The following ARHGAP35 variants were observed in gnomAD, a reference collection of about 807,000 sequenced individuals.
ARHGAP35 encodes Rho GTPase activating protein 35.
A neutral mutation model predicts 111.1 loss-of-function variants in ARHGAP35; 15 were observed. The ratio of observed to expected loss-of-function variants is 0.13; its 90% CI spans 0.09 to 0.21. ARHGAP35 has a LOEUF of 0.21. Ranked by LOEUF, ARHGAP35 falls within the 10% of genes least tolerant of loss-of-function variation. The pLI is 1.00. For missense variants in ARHGAP35, 1,262 were observed against 1,873.0 expected (o/e 0.67, Z 6.02); for synonymous variants, 643 against 710.3 (o/e 0.91, Z 1.51).
chr19:46,970,508 TTG>T (rs1378162516), intron 3 of ARHGAP35, among the ~76,000 whole-genome samples: 3 of 152,140 alleles, frequency 2.0e-5, no homozygotes, highest in Admixed American at 6.5e-5. Flanking sequence ...TGCGGAAATT[TTG>T]TGTGTGTGCA....
intron 1 of ARHGAP35, among the ~76,000 whole-genome samples, chr19:46,897,447 C>CT (rs397749963): frequency 0.052 from 7,042 of 135,054 alleles, 210 homozygotes; most frequent in East Asian, 0.17. Context: ...TTTATTTTGT[C>CT]TTTTTTTTTT....
chr19:46,916,027 C>T (rs1393239962), intron 1 of ARHGAP35, among the ~76,000 whole-genome samples: 11 of 151,138 alleles, frequency 7.3e-5, no homozygotes, highest in Admixed American at 5.3e-4. Context: ...CTCCACCTCC[C>T]GGGTTCACTC....
intron 1 of ARHGAP35, among the ~76,000 whole-genome samples, chr19:46,880,912 G>A (rs1247098620): frequency 6.6e-6 from 1 of 150,940 alleles, no homozygotes; most frequent in Non-Finnish European, 1.5e-5. Context: ...CTGGCCTGAA[G>A]GGATCCTCCT....
intron 1 of ARHGAP35, among the ~76,000 whole-genome samples, chr19:46,871,806 C>T (rs944101691): frequency 3.5e-4 from 53 of 151,814 alleles, no homozygotes; most frequent in Non-Finnish European, 1.5e-5. Context: ...TGGTGAAACC[C>T]TGTCTCTACT....
In ARHGAP35 at chr19:46,993,814, G is replaced by A. The variant is rs1243674037; in HGVS notation, c.4036+4139G>A. On this transcript the variant is annotated intron_variant, in intron 5 of 6. Coordinates refer to ENST00000672722, the MANE Select transcript of ARHGAP35 (RefSeq NM_004491.5). This position sits in a 1 kb window ranked among gnomAD's most constrained non-coding sequence, Gnocchi z 4.6. ...CCACCTGGAGCCAAGCCAAGCAAAG[G>A]GGTGAGCGCAGTGTGGAGGCTGGGG... Among the ~76,000 whole-genome samples, 2 of 152,162 alleles carry A rather than the reference G, an allele frequency of 1.3e-5. No individual in the cohort carries two copies. Among genetic ancestry groups the A allele is most frequent in the African/African-American group, 4.8e-5 (2 of 41,420 alleles).
At chr19:46,866,017 T>C (rs931921649) in intron 1 of ARHGAP35, among the ~76,000 whole-genome samples, 2 of 152,066 alleles carry the variant, frequency 1.3e-5, no homozygotes, top group Non-Finnish European at 2.9e-5. Context: ...ATTTTTGTAT[T>C]TTTAGTAGAG....
At chr19:46,862,179 A>C (rs2055832439) in intron 1 of ARHGAP35, among the ~76,000 whole-genome samples, 1 of 150,504 alleles carries the variant, frequency 6.6e-6, no homozygotes, top group Non-Finnish European at 1.5e-5. Flanking sequence ...CTTGCTTCTG[A>C]CTCTGCCTTC....
rs2056082114 is a variant in ARHGAP35, at chr19:46,901,225, G to A, written c.-188-17263G>A. On this transcript the variant is annotated intron_variant, in intron 1 of 6. Transcript: ENST00000672722. The surrounding 1 kb of genome is among the most constrained non-coding windows in gnomAD (Gnocchi z 4.5). ...GCTAGTGAGAAAAAGGCAGAATGGT[G>A]GAGATGAGATCACATAGGGAATAAG... Among the ~76,000 whole-genome samples, 1 of 152,132 alleles carries A rather than the reference G, an allele frequency of 6.6e-6. No individual in the cohort carries two copies. Among genetic ancestry groups the A allele is most frequent in the Non-Finnish European group, 1.5e-5 (1 of 68,012 alleles).
chr19:46,927,236 G>A (rs1466928394), intron 2 of ARHGAP35, among the ~76,000 whole-genome samples: 2 of 152,216 alleles, frequency 1.3e-5, no homozygotes, highest in Non-Finnish European at 2.9e-5. Flanking sequence ...GTGAGCACTT[G>A]TTTTATGCCC....
intron 1 of ARHGAP35, among the ~76,000 whole-genome samples, chr19:46,882,489 A>C (rs1219889298): frequency 6.6e-6 from 1 of 151,944 alleles, no homozygotes; most frequent in Non-Finnish European, 1.5e-5. Flanking sequence ...TTATTTATTT[A>C]TTTTTACATT....
Position 46,921,018 on chromosome 19 carries a change from T to A in ARHGAP35, c.2343T>A (p.Asp781Glu). The A allele has an allele frequency of 6.2e-7, 1 of 1,614,038 alleles. No homozygotes were observed. Among genetic ancestry groups the A allele is most frequent in the Non-Finnish European group, 8.5e-7 (1 of 1,179,900 alleles). Residue 781 changes from aspartate (D) to glutamate (E), a missense_variant, in exon 2 of 7, where the codon GAT (aspartate) becomes GAA (glutamate). This residue lies in a region of ARHGAP35 where 579 missense variants were observed against 716.9 expected (regional missense o/e 0.81). Coordinates refer to ENST00000672722, the MANE Select transcript of ARHGAP35 (RefSeq NM_004491.5). This position sits in a 1 kb window ranked among gnomAD's most constrained non-coding sequence, Gnocchi z 4.3. ...GCATCAAAGATTTGGCTGATGTTGA[T>A]CTGCGAATTGTTATGTGTCTGATGT... ...TASIKDLADVDLRIVMCLMCG... is the reference protein window; with the variant it reads ...TASIKDLADVELRIVMCLMCG...
chr19:46,976,938 C>G (rs997755264), intron 3 of ARHGAP35, among the ~76,000 whole-genome samples: 9 of 152,204 alleles, frequency 5.9e-5, no homozygotes, highest in African/African-American at 1.9e-4. Context: ...ATCCCCATGC[C>G]TCTATAACCC....
At chr19:46,934,382 C>A (rs1009135858) in intron 2 of ARHGAP35, among the ~76,000 whole-genome samples, 1 of 152,194 alleles carries the variant, frequency 6.6e-6, no homozygotes, top group Non-Finnish European at 1.5e-5. Context: ...CGCCCCTCCT[C>A]CCGGAGACAC....
rs2056674975 is a variant in ARHGAP35 at position 46,990,675 on chromosome 19, C to T, written c.4036+1000C>T. Among the ~76,000 whole-genome samples, 4 of 152,218 alleles carry T rather than the reference C, an allele frequency of 2.6e-5. No individual in the cohort carries two copies. The South Asian group carries it at 8.3e-4, about 32-fold the overall frequency. ...CCACCTCTAAAGAGGGAGCTTTAAA[C>T]AAGCACAATTTATTCACAAGCCTGA... is the stretch of plus-strand genomic sequence containing the variant. On this transcript the variant is annotated intron_variant, in intron 5 of 6. Transcript: ENST00000672722.
chr19:46,988,207 AC>A lies in ARHGAP35; in HGVS notation c.3904+143del. The stretch of plus-strand genomic sequence containing the variant: ...ACGAGGTGCTGAGACTGAGAAAGAG[AC>A]CATGTGTGGCTGCAGCGGGGAGGAG... On this transcript the variant is annotated intron_variant, in intron 4 of 6. Transcript: ENST00000672722. The surrounding 1 kb of genome is among the most constrained non-coding windows in gnomAD (Gnocchi z 5.4). The A allele has an allele frequency of 1.3e-6, 1 of 768,638 alleles. No homozygotes were observed. The allele number at this position is 768,638 out of a possible 1,614,324, so 47.6% of individuals were successfully genotyped here.
chr19:46,919,963 G>A lies in ARHGAP35; in HGVS notation c.1288G>A (p.Val430Ile), dbSNP rs527359935. The change falls in exon 2 of 7, where the codon GTT (valine) becomes ATT (isoleucine). Residue 430 changes from valine to isoleucine, a missense_variant. Val to Ile is a conservative substitution (Grantham distance 29). Transcript: ENST00000672722. The surrounding 1 kb of genome is among the most constrained non-coding windows in gnomAD (Gnocchi z 6.2). ...GAAGCTGAGGAACGAAAGGAAAAGA[G>A]TTGAGATGCGAAGGGCGTTTAAAGA... ...LEKLRNERKR[V>I]EMRRAFKENL... The A allele has an allele frequency of 6.9e-5, 111 of 1,613,948 alleles. No individual in the cohort carries two copies. In the South Asian group the frequency reaches 9.6e-4, roughly 14 times the overall value.
chr19:46,903,911 T>C (rs1196390293), intron 1 of ARHGAP35, among the ~76,000 whole-genome samples: 3 of 152,216 alleles, frequency 2.0e-5, no homozygotes, highest in African/African-American at 4.8e-5. Context: ...CTTTTTTTTT[T>C]TCTCTGAAAT....
At position 46,994,284 on chromosome 19, in the gene ARHGAP35, A is replaced by T. The variant is rs1242967821; in HGVS notation, c.4036+4609A>T. 6.6e-6 allele frequency among the ~76,000 whole-genome samples: 1 copy of T among 152,154 alleles called. No individual in the cohort carries two copies. Among genetic ancestry groups the T allele is most frequent in the Non-Finnish European group, 1.5e-5 (1 of 68,022 alleles). The stretch of plus-strand genomic sequence containing the variant: ...CCTGGCCGGGCGGGCTACCTATTGA[A>T]GCTGGGGGTCCCTGTACAGCAGGGC... On this transcript the variant is annotated intron_variant, in intron 5 of 6. Transcript: ENST00000672722. The surrounding 1 kb of genome is among the most constrained non-coding windows in gnomAD (Gnocchi z 5.4).
At chr19:46,955,834 C>T (rs1392285788) in intron 3 of ARHGAP35, among the ~76,000 whole-genome samples, 1 of 152,070 alleles carries the variant, frequency 6.6e-6, no homozygotes, top group East Asian at 1.9e-4. Context: ...CAAATTTTTC[C>T]TCTTGAAAGT....
Sources: allele counts gnomAD v4.1 joint callset (sites outside exome capture counted in the v4.1 genomes callset), GRCh38; gene constraint gnomAD v4.1.1; regional missense constraint gnomAD v4.1.1; non-coding constraint Gnocchi (gnomAD v3.1); transcripts MANE v1.5; gene names NCBI Gene and HGNC (gene_info 2026-07-23, HGNC 2026-07-21).